PRR16: variants seen among roughly 807,000 people sequenced by gnomAD.
The protein encoded by PRR16 is proline rich 16.
PRR16 carries 6 observed loss-of-function variants against 18.2 expected under a neutral mutation model. The observed-to-expected ratio is 0.33, with a 90% CI of 0.18 to 0.65. The LOEUF (loss-of-function observed/expected upper bound fraction) is 0.65. Ranked by LOEUF, PRR16 falls within the 30% of genes least tolerant of loss-of-function variation. PRR16 has a pLI of 0.74. For synonymous variants in PRR16, 151 were observed against 147.8 expected, an observed-to-expected ratio of 1.02 and a Z score of -0.16; for missense variants, 412 against 376.6, an observed-to-expected ratio of 1.09 and a Z score of -0.78.
the PRR16 span, among the ~76,000 whole-genome samples, chr5:120,754,502 T>TAATATATAG: frequency 0.4 from 29,133 of 72,370 alleles, 7,985 homozygotes; most frequent in East Asian, 0.64. Context: ...ATGTATTTTA[T>TAATATATAG]TATGTATATT....
intron 1 of PRR16, among the ~76,000 whole-genome samples, chr5:120,570,017 G>A (rs1157693476): frequency 2.6e-5 from 4 of 152,100 alleles, no homozygotes; most frequent in Non-Finnish European, 5.9e-5. Context: ...TCCTCCAGAT[G>A]TGACCAGGAC....
intron 1 of PRR16, among the ~76,000 whole-genome samples, chr5:120,544,691 C>T (rs1007632942): frequency 3.3e-4 from 50 of 151,796 alleles, no homozygotes; most frequent in African/African-American, 1.0e-3. Context: ...TAAAGTCATT[C>T]GTGATTTACC....
chr5:120,735,249 A>G, the PRR16 span, among the ~76,000 whole-genome samples: 1 of 152,162 alleles, frequency 6.6e-6, no homozygotes, highest in East Asian at 1.9e-4. Flanking sequence ...GAGTTTGCTT[A>G]TCCATTGATC....
chr5:120,475,869 TAG>T (rs1202870426), intron 1 of PRR16, among the ~76,000 whole-genome samples: 2 of 152,102 alleles, frequency 1.3e-5, no homozygotes, highest in African/African-American at 4.8e-5. Context: ...TATATTTTAG[TAG>T]AGAGACATTA....
the PRR16 span, among the ~76,000 whole-genome samples, chr5:120,750,457 G>A: frequency 3.3e-5 from 5 of 151,784 alleles, no homozygotes; most frequent in African/African-American, 7.3e-5. Context: ...TCAGGAGTTC[G>A]AGACCAGCCT....
intron 1 of PRR16, among the ~76,000 whole-genome samples, chr5:120,487,680 C>A (rs1034526164): frequency 1.3e-5 from 2 of 152,156 alleles, no homozygotes; most frequent in African/African-American, 4.8e-5. Flanking sequence ...ACTTCCAACA[C>A]TATGTTGAAT....
intron 1 of PRR16, among the ~76,000 whole-genome samples, chr5:120,558,526 C>A (rs1359917921): frequency 6.6e-6 from 1 of 151,894 alleles, no homozygotes; most frequent in Non-Finnish European, 1.5e-5. Flanking sequence ...ATAAGTACCA[C>A]CTTTTCTTTA....
chr5:120,721,706 C>T, the PRR16 span, among the ~76,000 whole-genome samples: 1 of 151,894 alleles, frequency 6.6e-6, no homozygotes, highest in Non-Finnish European at 1.5e-5. Flanking sequence ...TGTGAACTGC[C>T]TTACATTTTA....
intron 1 of PRR16, among the ~76,000 whole-genome samples, chr5:120,678,861 T>C (rs1029788892): frequency 1.3e-5 from 2 of 152,148 alleles, no homozygotes; most frequent in Non-Finnish European, 2.9e-5. Context: ...CCTTTATTCA[T>C]TGCAGTTTAA....
intron 1 of PRR16, among the ~76,000 whole-genome samples, chr5:120,581,307 A>G (rs1358998434): frequency 2.6e-5 from 4 of 152,156 alleles, no homozygotes; most frequent in African/African-American, 4.8e-5. Flanking sequence ...GTTTATTTGC[A>G]TAGATGTGTT....
chr5:120,673,465 A>G (rs1384957863), intron 1 of PRR16, among the ~76,000 whole-genome samples: 1 of 152,234 alleles, frequency 6.6e-6, no homozygotes, highest in Non-Finnish European at 1.5e-5. Context: ...TAGAGTTAAA[A>G]TTTTTACATC....
the PRR16 span, among the ~76,000 whole-genome samples, chr5:120,759,206 G>A: frequency 6.6e-6 from 1 of 151,858 alleles, no homozygotes; most frequent in Non-Finnish European, 1.5e-5. Flanking sequence ...TTGATCTCCT[G>A]ACCTCATGAT....
At chr5:120,636,936 A>T (rs1413678351) in intron 1 of PRR16, among the ~76,000 whole-genome samples, 1 of 152,004 alleles carries the variant, frequency 6.6e-6, no homozygotes, top group East Asian at 1.9e-4. Flanking sequence ...ACTCAAACAA[A>T]TTGCAAGAAA....
At chr5:120,706,211 T>G in the PRR16 span, among the ~76,000 whole-genome samples, 3 of 152,198 alleles carry the variant, frequency 2.0e-5, no homozygotes, top group Non-Finnish European at 4.4e-5. Context: ...TGTATTACCT[T>G]TAGATTAAAA....
the PRR16 span, among the ~76,000 whole-genome samples, chr5:120,741,728 G>A: frequency 6.6e-6 from 1 of 151,984 alleles, no homozygotes; most frequent in Non-Finnish European, 1.5e-5. Context: ...CAGCCTCCGA[G>A]TAGCTGGGAT....
intron 1 of PRR16, among the ~76,000 whole-genome samples, chr5:120,465,917 C>T (rs1275595167): frequency 6.6e-6 from 1 of 152,176 alleles, no homozygotes; most frequent in Non-Finnish European, 1.5e-5. Context: ...AACCAAATTT[C>T]AAGAGCCCCC....
At chr5:120,759,685 A>G in the PRR16 span, among the ~76,000 whole-genome samples, 1 of 152,180 alleles carries the variant, frequency 6.6e-6, no homozygotes, top group Non-Finnish European at 1.5e-5. Flanking sequence ...AAATTAAAAA[A>G]TCAGTTAAAA....
chr5:120,785,270 C>G, the PRR16 span, among the ~76,000 whole-genome samples: 2 of 152,054 alleles, frequency 1.3e-5, no homozygotes. Context: ...GGAGACCATA[C>G]GTGGGTATGA....
chr5:120,553,622 A>G (rs1752324238), intron 1 of PRR16, among the ~76,000 whole-genome samples: 2 of 151,866 alleles, frequency 1.3e-5, no homozygotes, highest in African/African-American at 4.8e-5. Flanking sequence ...ATCATTTTCA[A>G]AAGTTGGTAA....
Sources: allele counts gnomAD v4.1 joint callset (sites outside exome capture counted in the v4.1 genomes callset), GRCh38; gene constraint gnomAD v4.1.1; transcripts MANE v1.5; gene names NCBI Gene and HGNC (gene_info 2026-07-23, HGNC 2026-07-21).